The following FOXP2 variants were observed in gnomAD, a reference collection of about 807,000 sequenced individuals.
FOXP2 encodes forkhead box P2.
In FOXP2, 12 loss-of-function variants were observed where a neutral mutation model predicts 115.8. The observed-to-expected ratio is 0.10, with a 90% CI of 0.07 to 0.17. The LOEUF is 0.17. Among genes scored for constraint, FOXP2 ranks in the 10% least tolerant of loss-of-function variants. The probability of loss-of-function intolerance (pLI) is 1.00; values close to 1 mark genes in which losing one functional copy is unlikely to be tolerated. For synonymous variants in FOXP2, 328 were observed against 297.7 expected (o/e 1.10, Z -1.05); for missense variants, 629 against 843.5 (o/e 0.75, Z 3.15).
intron 2 of FOXP2, among the ~76,000 whole-genome samples, chr7:114,441,804 T>A (rs1410080967): frequency 6.6e-6 from 1 of 152,182 alleles, no homozygotes; most frequent in East Asian, 1.9e-4. Context: ...AATACCACAC[T>A]GAGATACTAC....
At chr7:114,682,921 T>C (rs573788980) in intron 16 of FOXP2, among the ~76,000 whole-genome samples, 259 of 152,330 alleles carry the variant, frequency 1.7e-3, no homozygotes, top group African/African-American at 5.7e-3. Context: ...CAAGCAATTT[T>C]ATTTTCTGGA....
At chr7:114,518,670 A>AT (rs1798462946) in intron 2 of FOXP2, among the ~76,000 whole-genome samples, 1 of 151,772 alleles carries the variant, frequency 6.6e-6, no homozygotes, top group Non-Finnish European at 1.5e-5. Flanking sequence ...GCCCAGTTAA[A>AT]TTTTTTTGTA....
At chr7:114,648,179 T>A (rs1457301695) in intron 8 of FOXP2, among the ~76,000 whole-genome samples, 1 of 152,104 alleles carries the variant, frequency 6.6e-6, no homozygotes, top group African/African-American at 2.4e-5. Context: ...TATTTCTTTG[T>A]CTTTGACTAG....
At chr7:114,180,061 G>A (rs1332402881) in intron 1 of FOXP2, among the ~76,000 whole-genome samples, 3 of 151,940 alleles carry the variant, frequency 2.0e-5, no homozygotes, top group Non-Finnish European at 4.4e-5. Context: ...TACATAACAG[G>A]TATGTTGGTC....
At chr7:114,501,197 A>G (rs888605801) in intron 2 of FOXP2, among the ~76,000 whole-genome samples, 1 of 152,222 alleles carries the variant, frequency 6.6e-6, no homozygotes, top group African/African-American at 2.4e-5. Flanking sequence ...AAGTTCATCA[A>G]TTTAAACATC....
intron 1 of FOXP2, among the ~76,000 whole-genome samples, chr7:114,256,060 T>A (rs991727132): frequency 6.6e-6 from 1 of 152,162 alleles, no homozygotes; most frequent in Non-Finnish European, 1.5e-5. Context: ...GGCTCTTGTT[T>A]CTTCACTTTT....
chr7:114,344,542 T>A (rs556818314), intron 2 of FOXP2, among the ~76,000 whole-genome samples: 1 of 151,872 alleles, frequency 6.6e-6, no homozygotes, highest in Admixed American at 6.6e-5. Flanking sequence ...TAATCTGGGG[T>A]TTAGTGCCAG....
rs1806688062 is a variant in FOXP2 at position 114,658,166 on chromosome 7, C to T, written c.1367C>T (p.Pro456Leu). 6.2e-7 allele frequency: 1 copy of T among 1,613,816 alleles called. No homozygotes were observed. Among genetic ancestry groups the T allele is most frequent in the Non-Finnish European group, 8.5e-7 (1 of 1,179,894 alleles). Residue 456 changes from proline (P) to leucine (L), a missense_variant, in exon 11 of 17, where the codon CCG (proline) becomes CTG (leucine). Transcript: ENST00000350908. ...ACCACACCAACGGCCCCAGTCACCC[C>T]GATTACCCAGGGACCCTCAGTAATC... ...TPTTPTAPVT[P>L]ITQGPSVITP...
At position 114,415,347 on chromosome 7, in the gene FOXP2, C is replaced by T. The variant is rs1334714376; in HGVS notation, c.-24C>T. ...GTTGAAACCGGGAAGTTTGCTCTAA[C>T]ATTTCCAGAGAAGGTACGTTACTTT... On this transcript the variant is annotated 5_prime_UTR_variant, in exon 1 of 17. Coordinates refer to ENST00000350908, the MANE Select transcript of FOXP2 (RefSeq NM_014491.4). The T allele has an allele frequency of 2.2e-6, 1 of 451,214 alleles. No homozygotes were observed. Among genetic ancestry groups the T allele is most frequent in the Non-Finnish European group, 4.4e-6 (1 of 225,934 alleles). 28.0% of individuals were successfully genotyped at this position (451,214 alleles called of 1,614,324 possible).
chr7:114,192,683 C>T (rs1163729691), intron 1 of FOXP2, among the ~76,000 whole-genome samples: 1 of 151,988 alleles, frequency 6.6e-6, no homozygotes, highest in African/African-American at 2.4e-5. Context: ...TGTTTAAACA[C>T]ATACAGTTTC....
upstream of FOXP2, among the ~76,000 whole-genome samples, chr7:114,161,074 G>C (rs1426495298): frequency 2.6e-5 from 4 of 152,124 alleles, no homozygotes. Context: ...GGTCTTCACT[G>C]ACCCAAAATA....
chr7:114,379,866 G>T (rs998944754), intron 2 of FOXP2, among the ~76,000 whole-genome samples: 20 of 152,052 alleles, frequency 1.3e-4, no homozygotes, highest in Admixed American at 1.3e-3. Context: ...TTGATGAAGG[G>T]TTTTAAGTAA....
In FOXP2 at chr7:114,692,092, G is replaced by A. The variant is rs760992380; in HGVS notation, c.*2166G>A. On this transcript the variant is annotated 3_prime_UTR_variant, in exon 17 of 17. Transcript: ENST00000350908. ...ACAATATGGTATTAAAAGAAAGATG[G>A]GTATGGTGAAAGATGGTTTTCAGTC... is the stretch of plus-strand genomic sequence containing the variant. 4.4e-6 allele frequency: 2 copies of A among 453,886 alleles called. No homozygotes were observed. The highest frequency in any genetic ancestry group is 8.8e-6 in the Non-Finnish European group (2 of 226,694). 28.1% of individuals were successfully genotyped at this position (453,886 alleles called of 1,614,324 possible). A position where few individuals can be genotyped will look rare whatever the true frequency, so the allele number is the denominator to read the frequency against.
At chr7:114,680,272 T>A (rs1808015542) in intron 16 of FOXP2, among the ~76,000 whole-genome samples, 3 of 152,222 alleles carry the variant, frequency 2.0e-5, no homozygotes, top group Admixed American at 2.0e-4. Flanking sequence ...ACTGAAAGGA[T>A]CGATTAAATT....
chr7:114,283,508 C>A (rs1562852963), intron 1 of FOXP2, among the ~76,000 whole-genome samples: 1 of 152,014 alleles, frequency 6.6e-6, no homozygotes, highest in East Asian at 1.9e-4. Context: ...ATTTAGAAAA[C>A]AATTAAATGA....
At chr7:114,457,853 G>A (rs886517476) in intron 2 of FOXP2, among the ~76,000 whole-genome samples, 8 of 149,682 alleles carry the variant, frequency 5.3e-5, no homozygotes, top group East Asian at 2.0e-4. Context: ...AGCCGAGATC[G>A]TGCCACTGTA....
rs759412888 is a variant in FOXP2 at position 114,629,987 on chromosome 7, T to C, written c.579T>C (p.Pro193=). The change falls in exon 5 of 17, where the codon CCT becomes CCC. Residue 193 remains proline (P), a synonymous_variant. Transcript: ENST00000350908. The part of the protein sequence containing the change: ...QQQQQQQQQH[P]GKQAKEQQQQ... Reference sequence around the variant, plus strand: ...AGCAGCAGCAGCAGCAACAGCATCCTGGAAAGCAAGCGAAAGAGGTAGGAT... The same window carrying C: ...AGCAGCAGCAGCAGCAACAGCATCCCGGAAAGCAAGCGAAAGAGGTAGGAT... The C allele has an allele frequency of 3.1e-6, 5 of 1,592,754 alleles. No individual in the cohort carries two copies. The highest frequency in any genetic ancestry group is 4.3e-6 in the Non-Finnish European group (5 of 1,173,650).
At chr7:114,670,431 TTTG>T (rs1807433481) in intron 16 of FOXP2, among the ~76,000 whole-genome samples, 1 of 152,020 alleles carries the variant, frequency 6.6e-6, no homozygotes, top group Non-Finnish European at 1.5e-5. Flanking sequence ...GCTCCAGAAC[TTTG>T]TATACATCAC....
At chr7:114,516,678 C>T (rs1798360398) in intron 2 of FOXP2, among the ~76,000 whole-genome samples, 1 of 150,636 alleles carries the variant, frequency 6.6e-6, no homozygotes, top group Admixed American at 6.6e-5. Flanking sequence ...TTTTTTTGTT[C>T]TTTGTTTTTT....
Sources: allele counts gnomAD v4.1 joint callset (sites outside exome capture counted in the v4.1 genomes callset), GRCh38; gene constraint gnomAD v4.1.1; transcripts MANE v1.5; gene names NCBI Gene and HGNC (gene_info 2026-07-23, HGNC 2026-07-21).